Variants in PCSK5 observed in about 807,000 individuals in gnomAD.
PCSK5 encodes prohormone convertase 5.
PCSK5 carries 129 observed loss-of-function variants against 233.2 expected under a neutral mutation model. The ratio of observed to expected loss-of-function variants is 0.55; its 90% CI spans 0.48 to 0.64. The LOEUF is 0.64. PCSK5 is among the 30% of genes least tolerant of loss of function. The pLI is 0.00. For synonymous variants in PCSK5, 825 were observed against 879.2 expected (o/e 0.94, Z 1.09); for missense variants, 2,076 against 2,430.1 (o/e 0.85, Z 3.06).
rs5898445 is a variant in PCSK5, at chr9:76,040,385, GTCTCTC to G, written c.632+13371_632+13376del. Among the ~76,000 whole-genome samples, 350 of 80,666 alleles carry G rather than the reference GTCTCTC, an allele frequency of 4.3e-3. 5 individuals carry two copies. The highest frequency in any genetic ancestry group is 0.013 in the African/African-American group (299 of 23,370). 52.9% of individuals were successfully genotyped at this position (80,666 alleles called of 152,430 possible). On this transcript the variant is annotated intron_variant, in intron 5 of 37. Transcript: ENST00000674117. The stretch of plus-strand genomic sequence containing the variant: ...TCTCTCTCTCTCTCTCTCTCTCTCT[GTCTCTC>G]TCTCTCTCTCTCTCTCTCTCTCAAC...
intron 20 of PCSK5, chr9:76,194,976 G>GA (rs1222231101): frequency 1.7e-5 from 3 of 173,622 alleles, no homozygotes; most frequent in Non-Finnish European, 3.7e-5. Flanking sequence ...AGCAAGCTAG[G>GA]AAAAAGCCTG....
At chr9:76,247,921 A>G (rs1175719854) in intron 24 of PCSK5, among the ~76,000 whole-genome samples, 1 of 151,890 alleles carries the variant, frequency 6.6e-6, no homozygotes, top group Non-Finnish European at 1.5e-5. Flanking sequence ...AGTAGCTGGG[A>G]TTACAGGCAC....
At chr9:76,235,940 A>C (rs1410020921) in intron 22 of PCSK5, among the ~76,000 whole-genome samples, 10 of 152,198 alleles carry the variant, frequency 6.6e-5, no homozygotes, top group Non-Finnish European at 1.0e-4. Flanking sequence ...AAAGGCTAAA[A>C]ATCCTCCAGC....
At position 75,902,172 on chromosome 9, in the gene PCSK5, C is replaced by T. The variant is rs914488940; in HGVS notation, c.192+10799C>T. On this transcript the variant is annotated intron_variant, in intron 1 of 37. Transcript: ENST00000674117. ...TGGAGGTTGCAGTGAGCCAAGATCG[C>T]GCCACTGCATTTCAGCCTGGGTGAC... Among the ~76,000 whole-genome samples, 8 of 130,248 alleles carry T rather than the reference C, an allele frequency of 6.1e-5. No homozygotes were observed. In the East Asian group the frequency reaches 8.9e-4, roughly 15 times the overall value. The allele number at this position is 130,248 out of a possible 152,430, so 85.4% of individuals were successfully genotyped here.
chr9:76,161,318 A>G (rs1367546428), intron 12 of PCSK5, among the ~76,000 whole-genome samples: 1 of 152,214 alleles, frequency 6.6e-6, no homozygotes, highest in Non-Finnish European at 1.5e-5. Context: ...GGCCGCCTGC[A>G]GGGTAATTGC....
intron 24 of PCSK5, among the ~76,000 whole-genome samples, chr9:76,290,624 G>C (rs1033859708): frequency 2.0e-5 from 3 of 152,186 alleles, no homozygotes; most frequent in African/African-American, 7.2e-5. Flanking sequence ...TCTGAAACCA[G>C]CTGTTAAGAC....
chr9:76,121,084 T>G (rs1832611841), intron 9 of PCSK5, among the ~76,000 whole-genome samples: 1 of 152,116 alleles, frequency 6.6e-6, no homozygotes, highest in African/African-American at 2.4e-5. Context: ...CACACTTAGA[T>G]CCTGATTTTC....
chr9:76,335,372 A>G (rs1829650128), intron 34 of PCSK5, among the ~76,000 whole-genome samples: 1 of 152,234 alleles, frequency 6.6e-6, no homozygotes, highest in South Asian at 2.1e-4. Context: ...TTCATGAGGT[A>G]TATGAGAACT....
chr9:76,238,546 C>T (rs185124615), intron 22 of PCSK5, among the ~76,000 whole-genome samples: 74 of 152,294 alleles, frequency 4.9e-4, no homozygotes, highest in African/African-American at 1.7e-3. Context: ...TAAAAAGTGT[C>T]GATCATTATG....
At chr9:75,897,422 C>G (rs1564067330) in intron 1 of PCSK5, among the ~76,000 whole-genome samples, 1 of 151,656 alleles carries the variant, frequency 6.6e-6, no homozygotes, top group Non-Finnish European at 1.5e-5. Flanking sequence ...AGGCTCCCAT[C>G]TCCTGTTGGA....
chr9:76,081,334 A>C (rs1159789626), intron 7 of PCSK5, among the ~76,000 whole-genome samples: 3 of 152,080 alleles, frequency 2.0e-5, no homozygotes, highest in African/African-American at 7.2e-5. Flanking sequence ...CACACCTGTA[A>C]TGCCAGCTAC....
chr9:76,184,577 T>C (rs1458266059), intron 16 of PCSK5, 96 bp from the exon 17 acceptor site: 8 of 721,050 alleles, frequency 1.1e-5, no homozygotes, highest in Non-Finnish European at 1.7e-5. Context: ...AGGCCATAGG[T>C]ACTGTAGCAT....
intron 3 of PCSK5, among the ~76,000 whole-genome samples, chr9:75,999,470 T>C (rs1233518707): frequency 6.6e-6 from 1 of 152,220 alleles, no homozygotes; most frequent in Non-Finnish European, 1.5e-5. Flanking sequence ...TCTATAGATA[T>C]TAAATTAACT....
chr9:75,892,593 T>C (rs925328310), intron 1 of PCSK5, among the ~76,000 whole-genome samples: 14 of 152,166 alleles, frequency 9.2e-5, no homozygotes, highest in African/African-American at 3.4e-4. Context: ...AGGTGCTGGC[T>C]GGTGCCGGCG....
chr9:76,054,839 A>G (rs954944420), intron 5 of PCSK5, among the ~76,000 whole-genome samples: 8 of 152,136 alleles, frequency 5.3e-5, no homozygotes, highest in Non-Finnish European at 1.2e-4. Flanking sequence ...TTTGACATGC[A>G]TGTGTGTGTA....
chr9:76,079,507 C>A (rs766067545), intron 7 of PCSK5, among the ~76,000 whole-genome samples: 1 of 152,026 alleles, frequency 6.6e-6, no homozygotes, highest in South Asian at 2.1e-4. Flanking sequence ...GATTTTCGTG[C>A]GTTGGTTTTA....
At chr9:76,193,462 T>G in intron 20 of PCSK5, 1 of 790,560 alleles carries the variant, frequency 1.3e-6, no homozygotes, top group South Asian at 2.4e-5. Flanking sequence ...TCTCTCTTTC[T>G]TTTCTTGCTC....
intron 25 of PCSK5, among the ~76,000 whole-genome samples, chr9:76,293,910 A>G (rs2260649): frequency 0.51 from 78,137 of 152,154 alleles, 20,506 homozygotes; most frequent in African/African-American, 0.59. Flanking sequence ...TACAATAGAC[A>G]TTGTTGCTGG....
chr9:75,890,896 C>G lies in PCSK5; in HGVS notation c.-286C>G. Reference sequence around the variant, plus strand: ...CCAACTGCGGAGGACGCCCGCCCCACTCAGCCTCCTCCTGCGTCCGAGCCG... The same window carrying G: ...CCAACTGCGGAGGACGCCCGCCCCAGTCAGCCTCCTCCTGCGTCCGAGCCG... On this transcript the variant is annotated 5_prime_UTR_variant, in exon 1 of 38. Transcript: ENST00000674117. 1 of 341,640 alleles carries G rather than the reference C, an allele frequency of 2.9e-6. No individual in the cohort carries two copies. The highest frequency in any genetic ancestry group is 5.3e-6 in the Non-Finnish European group (1 of 189,450). The allele number at this position is 341,640 out of a possible 1,614,324, so 21.2% of individuals were successfully genotyped here.
Sources: allele counts gnomAD v4.1 joint callset (sites outside exome capture counted in the v4.1 genomes callset), GRCh38; gene constraint gnomAD v4.1.1; transcripts MANE v1.5; gene names NCBI Gene and HGNC (gene_info 2026-07-23, HGNC 2026-07-21).